The following DLGAP1 variants were observed in gnomAD, a reference collection of about 807,000 sequenced individuals.
DLGAP1 encodes the protein disks large-associated protein 1.
DLGAP1 carries 11 observed loss-of-function variants against 90.8 expected under a neutral mutation model. That is an observed-to-expected ratio of 0.12 (90% CI 0.08 to 0.20). The LOEUF is 0.20. Ranked by LOEUF, DLGAP1 falls within the 10% of genes least tolerant of loss-of-function variation. The pLI is 1.00. For synonymous variants in DLGAP1, 558 were observed against 540.7 expected, an observed-to-expected ratio of 1.03 and a Z score of -0.44; for missense variants, 1,050 against 1,333.8, an observed-to-expected ratio of 0.79 and a Z score of 3.31.
At chr18:3,528,565 C>A (rs1432727575) in intron 10 of DLGAP1, among the ~76,000 whole-genome samples, 1 of 152,174 alleles carries the variant, frequency 6.6e-6, no homozygotes, top group African/African-American at 2.4e-5. Context: ...TTTTCTGTGA[C>A]CTTGGACAAG....
At chr18:4,379,999 G>A (rs2082084173) in intron 1 of DLGAP1, among the ~76,000 whole-genome samples, 1 of 152,150 alleles carries the variant, frequency 6.6e-6, no homozygotes, top group Admixed American at 6.6e-5. Context: ...TCAAAACTCA[G>A]ATGCAATCTC....
At chr18:4,303,910 G>A (rs1226769272) in intron 1 of DLGAP1, among the ~76,000 whole-genome samples, 1 of 152,164 alleles carries the variant, frequency 6.6e-6, no homozygotes, top group East Asian at 1.9e-4. Flanking sequence ...GTTAGAACTG[G>A]TTTTGAAAAG....
intron 4 of DLGAP1, among the ~76,000 whole-genome samples, chr18:3,839,240 T>C (rs1325207756): frequency 6.6e-6 from 1 of 152,222 alleles, no homozygotes; most frequent in African/African-American, 2.4e-5. Flanking sequence ...ATTTATCGAA[T>C]GCTTCCTGTG....
At chr18:4,306,771 C>T (rs1226294271) in intron 1 of DLGAP1, among the ~76,000 whole-genome samples, 1 of 152,120 alleles carries the variant, frequency 6.6e-6, no homozygotes, top group Non-Finnish European at 1.5e-5. Flanking sequence ...ACATTTGCTA[C>T]CTTAAAACCT....
chr18:4,204,874 C>T (rs2077688575), intron 1 of DLGAP1, among the ~76,000 whole-genome samples: 1 of 102,444 alleles, frequency 9.8e-6, no homozygotes, highest in Non-Finnish European at 2.0e-5. Flanking sequence ...GAGCCTTTTC[C>T]CAATTTTTTT....
intron 2 of DLGAP1, among the ~76,000 whole-genome samples, chr18:4,017,780 C>T (rs2074546456): frequency 6.6e-6 from 1 of 152,120 alleles, no homozygotes; most frequent in African/African-American, 2.4e-5. Context: ...GAATGGTTTG[C>T]CAGTTATCAA....
chr18:3,923,508 T>C (rs1025389001), intron 3 of DLGAP1, among the ~76,000 whole-genome samples: 1 of 152,214 alleles, frequency 6.6e-6, no homozygotes, highest in Non-Finnish European at 1.5e-5. Flanking sequence ...GTTTTACAGA[T>C]ATTTTTCCAG....
chr18:4,395,327 G>T (rs758383674), intron 1 of DLGAP1, among the ~76,000 whole-genome samples: 2 of 152,106 alleles, frequency 1.3e-5, no homozygotes, highest in Non-Finnish European at 2.9e-5. Flanking sequence ...GGGGAGGTAA[G>T]TATCGCTTTT....
At chr18:4,002,700 A>C (rs114864770) in intron 3 of DLGAP1, among the ~76,000 whole-genome samples, 3 of 152,130 alleles carry the variant, frequency 2.0e-5, no homozygotes, top group Admixed American at 6.5e-5. Flanking sequence ...GAGAGTCAAA[A>C]ATTAAACAGA....
At chr18:4,242,914 G>C (rs2078572840) in intron 1 of DLGAP1, among the ~76,000 whole-genome samples, 1 of 152,138 alleles carries the variant, frequency 6.6e-6, no homozygotes, top group Non-Finnish European at 1.5e-5. Context: ...CCCACGATGA[G>C]GGCTAGGTCA....
At chr18:4,218,982 T>G (rs115883420) in intron 1 of DLGAP1, among the ~76,000 whole-genome samples, 3,494 of 151,174 alleles carry the variant, frequency 0.023, 52 homozygotes, top group African/African-American at 0.027. Context: ...TTCTTTTAGA[T>G]ATATACCAAG....
rs577089592 is a variant in DLGAP1, at chr18:3,890,363, G to T, written c.-72-10223C>A. Among the ~76,000 whole-genome samples the T allele has an allele frequency of 9.8e-5, 15 of 152,326 alleles. No homozygotes were observed. The South Asian group carries it at 3.1e-3, about 32-fold the overall frequency. Reference sequence around the variant, plus strand: ...GTGAGAAGGACAATCTCTGCAATCGGCTGTTTTTGAAACCTTACAGAGTAT... The same window carrying T: ...GTGAGAAGGACAATCTCTGCAATCGTCTGTTTTTGAAACCTTACAGAGTAT... On this transcript the variant is annotated intron_variant, in intron 3 of 12. Transcript: ENST00000315677.
chr18:3,604,939 A>G (rs2145814204), intron 7 of DLGAP1, among the ~76,000 whole-genome samples: 1 of 152,322 alleles, frequency 6.6e-6, no homozygotes, highest in East Asian at 1.9e-4. Flanking sequence ...CATACTGGGC[A>G]ACAGGGAAAA....
At chr18:3,912,740 C>T (rs2072063185) in intron 3 of DLGAP1, among the ~76,000 whole-genome samples, 1 of 152,194 alleles carries the variant, frequency 6.6e-6, no homozygotes, top group East Asian at 1.9e-4. Context: ...CTTGCTGAGG[C>T]CTCAGCTCTG....
At chr18:3,583,164 ACC>A (rs2055638420) in intron 7 of DLGAP1, among the ~76,000 whole-genome samples, 3 of 127,240 alleles carry the variant, frequency 2.4e-5, no homozygotes, top group African/African-American at 9.2e-5. Flanking sequence ...CTACCTACCT[ACC>A]TACCTACCTA....
At chr18:4,013,237 A>G (rs546574910) in intron 2 of DLGAP1, among the ~76,000 whole-genome samples, 2 of 152,286 alleles carry the variant, frequency 1.3e-5, no homozygotes, top group East Asian at 1.9e-4. Context: ...GTACTATTAT[A>G]AGCATTTACA....
At chr18:4,072,495 G>A (rs1433690526) in intron 2 of DLGAP1, among the ~76,000 whole-genome samples, 2 of 148,470 alleles carry the variant, frequency 1.3e-5, no homozygotes, top group Non-Finnish European at 3.0e-5. Flanking sequence ...TTTTGAGACG[G>A]AGTCATCTCT....
intron 2 of DLGAP1, among the ~76,000 whole-genome samples, chr18:4,146,358 T>C (rs1468821914): frequency 2.0e-5 from 3 of 152,218 alleles, no homozygotes; most frequent in African/African-American, 7.2e-5. Context: ...GAGTTTTGAA[T>C]TCAAGTCTTT....
chr18:3,666,770 T>C (rs2059899050), intron 7 of DLGAP1, among the ~76,000 whole-genome samples: 1 of 152,190 alleles, frequency 6.6e-6, no homozygotes, highest in Non-Finnish European at 1.5e-5. Context: ...TTTAAATTTG[T>C]TTTAGAGATA....
Sources: gnomAD v4.1 joint callset for allele counts (sites outside exome capture counted in the v4.1 genomes callset) on GRCh38, gnomAD v4.1.1 for gene constraint, MANE v1.5 for transcripts, NCBI Gene and HGNC (gene_info 2026-07-23, HGNC 2026-07-21) for gene names.